Variants in PRH1 observed in about 807,000 individuals in gnomAD.
The protein encoded by PRH1 is salivary acidic proline-rich phosphoprotein 1/2.
Under a neutral mutation model 7.9 loss-of-function variants are expected in PRH1, and 7 were observed. The observed-to-expected ratio is 0.89, with a 90% CI of 0.50 to 1.67. The LOEUF is 1.67. PRH1 is among the 40% of genes most tolerant of loss of function. The pLI, the probability that PRH1 is intolerant of heterozygous loss-of-function variation, is 0.00. For synonymous variants in PRH1, 45 were observed against 80.8 expected (o/e 0.56, Z 2.38); for missense variants, 109 against 223.6 (o/e 0.49, Z 3.27).
intron 1 of PRH1, among the ~76,000 whole-genome samples, chr12:11,138,440 C>T (rs928468630): frequency 1.3e-5 from 2 of 151,954 alleles, no homozygotes; most frequent in Admixed American, 1.3e-4. Context: ...AATATTTAAC[C>T]CAAAATGCAG....
intron 1 of PRH1, among the ~76,000 whole-genome samples, chr12:10,990,013 C>G (rs1198867530): frequency 6.6e-6 from 1 of 151,996 alleles, no homozygotes; most frequent in African/African-American, 2.4e-5. Flanking sequence ...TCAGAATAGC[C>G]AAAGTTATCC....
rs1269905769 is a variant in PRH1 at position 10,924,867 on chromosome 12, G to A, written c.-58-40592C>T. Among the ~76,000 whole-genome samples, 3 of 151,880 alleles carry A rather than the reference G, an allele frequency of 2.0e-5. No individual in the cohort carries two copies. In the South Asian group the frequency reaches 6.2e-4, roughly 32 times the overall value. ...GTGATATCCCCTTTATCATTTTTTG[G>A]GGGGTCTATTTGATTTTTCTCTCTT... On this transcript the variant is annotated intron_variant, in intron 2 of 3. Coordinates refer to the PRH1 transcript ENST00000539853.
intron 2 of PRH1, among the ~76,000 whole-genome samples, chr12:10,919,501 T>A (rs1397211877): frequency 1.3e-5 from 2 of 152,196 alleles, no homozygotes; most frequent in African/African-American, 4.8e-5. Context: ...TTCCTCAAAT[T>A]AAAGGCAGTA....
At chr12:10,931,505 T>C (rs1189226313) in intron 2 of PRH1, among the ~76,000 whole-genome samples, 1 of 152,210 alleles carries the variant, frequency 6.6e-6, no homozygotes, top group Non-Finnish European at 1.5e-5. Context: ...AGCTGTTAAA[T>C]GGTATCTCAT....
At chr12:11,169,699 T>C (rs1312156033) in intron 1 of PRH1, among the ~76,000 whole-genome samples, 1 of 152,164 alleles carries the variant, frequency 6.6e-6, no homozygotes, top group Non-Finnish European at 1.5e-5. Context: ...GGGAGTAAAT[T>C]ATATGTGTGA....
intron 1 of PRH1, among the ~76,000 whole-genome samples, chr12:11,054,998 T>A (rs1313476121): frequency 2.7e-5 from 4 of 150,546 alleles, no homozygotes. Context: ...TGCCATTCTC[T>A]TGCCTCAACC....
chr12:11,017,860 T>C (rs974353528), intron 1 of PRH1, among the ~76,000 whole-genome samples: 12 of 152,224 alleles, frequency 7.9e-5, no homozygotes, highest in Middle Eastern at 3.4e-3. Flanking sequence ...GCACGGCGTT[T>C]ATTGAGCCTC....
intron 1 of PRH1, among the ~76,000 whole-genome samples, chr12:11,069,441 C>A (rs375253996): frequency 6.3e-5 from 1 of 15,760 alleles, no homozygotes. Flanking sequence ...TGGGCAATCT[C>A]ATGTTTTCAG....
At chr12:11,073,648 T>C (rs1274231791) in intron 1 of PRH1, among the ~76,000 whole-genome samples, 4 of 151,964 alleles carry the variant, frequency 2.6e-5, no homozygotes, top group African/African-American at 9.7e-5. Context: ...ACAGAATGAA[T>C]GCAAAGACTA....
chr12:11,017,922 G>A (rs1941380929), intron 1 of PRH1, among the ~76,000 whole-genome samples: 1 of 152,136 alleles, frequency 6.6e-6, no homozygotes, highest in Non-Finnish European at 1.5e-5. Context: ...GCTCTGATGT[G>A]TTAATAAAGT....
At chr12:10,973,615 T>C (rs1199947395) in intron 2 of PRH1, 2 of 766,976 alleles carry the variant, frequency 2.6e-6, no homozygotes, top group South Asian at 2.8e-5. Context: ...TGTTGCTAGG[T>C]TTTCATTTGA....
chr12:11,036,142 C>G (rs112604446), intron 1 of PRH1, among the ~76,000 whole-genome samples: 1,652 of 152,334 alleles, frequency 0.011, 18 homozygotes, highest in Non-Finnish European at 0.018. Context: ...ATCCACCCAC[C>G]TCGGCCTCCC....
chr12:11,133,561 CA>C, intron 1 of PRH1: 1 of 1,614,194 alleles, frequency 6.2e-7, no homozygotes, highest in South Asian at 1.1e-5. Flanking sequence ...TCACAGTTTG[CA>C]AAGCTTTTAT....
intron 1 of PRH1, among the ~76,000 whole-genome samples, chr12:11,032,796 AG>A (rs1942284095): frequency 6.6e-6 from 1 of 152,236 alleles, no homozygotes; most frequent in African/African-American, 2.4e-5. Context: ...ATCCTATCAC[AG>A]GAAGACTGAC....
At chr12:11,030,728 C>G in intron 1 of PRH1, 1 of 1,614,182 alleles carries the variant, frequency 6.2e-7, no homozygotes, top group Non-Finnish European at 8.5e-7. Context: ...GAGATGTTTA[C>G]ACAGAGAACA....
chr12:10,978,186 C>T (rs1444485658), intron 1 of PRH1, among the ~76,000 whole-genome samples: 1 of 151,796 alleles, frequency 6.6e-6, no homozygotes, highest in Non-Finnish European at 1.5e-5. Flanking sequence ...GCAACAGTAA[C>T]CAAAGCAGCA....
chr12:11,147,192 T>C (rs929374207), intron 1 of PRH1, among the ~76,000 whole-genome samples: 2 of 152,230 alleles, frequency 1.3e-5, no homozygotes, highest in African/African-American at 4.8e-5. Flanking sequence ...GATACATCTC[T>C]TCATGTATTG....
intron 1 of PRH1, among the ~76,000 whole-genome samples, chr12:11,162,788 C>T (rs182640611): frequency 6.6e-6 from 1 of 152,260 alleles, no homozygotes; most frequent in Non-Finnish European, 1.5e-5. Flanking sequence ...TACAGCCTCA[C>T]CCCAAACACA....
At chr12:11,040,855 T>C (rs1019619499) in intron 1 of PRH1, among the ~76,000 whole-genome samples, 1 of 152,200 alleles carries the variant, frequency 6.6e-6, no homozygotes, top group African/African-American at 2.4e-5. Flanking sequence ...TGTTTGCTTA[T>C]GTAAACAGTA....
Sources: gnomAD v4.1 joint callset for allele counts (sites outside exome capture counted in the v4.1 genomes callset) on GRCh38, gnomAD v4.1.1 for gene constraint, MANE v1.5 for transcripts, NCBI Gene and HGNC (gene_info 2026-07-23, HGNC 2026-07-21) for gene names.